Variants in NAV2 observed in about 807,000 individuals in gnomAD.
The protein encoded by NAV2 is helicase, APC down-regulated 1.
A neutral mutation model predicts 223.2 loss-of-function variants in NAV2; 54 were observed. That is an observed-to-expected ratio of 0.24 (90% confidence interval 0.19 to 0.30). NAV2 has a LOEUF of 0.30. Among genes scored for constraint, NAV2 ranks in the 10% least tolerant of loss-of-function variants. The probability of loss-of-function intolerance (pLI) is 1.00; values close to 1 mark genes in which losing one functional copy is unlikely to be tolerated. For synonymous variants in NAV2, 1,279 were observed against 1,239.3 expected, an observed-to-expected ratio of 1.03 and a Z score of -0.67; for missense variants, 2,806 against 3,147.5, an observed-to-expected ratio of 0.89 and a Z score of 2.60.
At chr11:19,441,541 G>T (rs1469641689) in intron 1 of NAV2, among the ~76,000 whole-genome samples, 1 of 152,092 alleles carries the variant, frequency 6.6e-6, no homozygotes, top group Non-Finnish European at 1.5e-5. Flanking sequence ...ATCTGATTCA[G>T]AGAAGACTGA....
At chr11:19,614,048 C>A (rs1216998787) in intron 1 of NAV2, among the ~76,000 whole-genome samples, 1 of 152,138 alleles carries the variant, frequency 6.6e-6, no homozygotes, top group African/African-American at 2.4e-5. Context: ...GGGCCCCTTT[C>A]ATGAAAAAGC....
At chr11:19,884,224 G>A (rs1591057949) in intron 5 of NAV2, 1 of 1,166,530 alleles carries the variant, frequency 8.6e-7, no homozygotes, top group East Asian at 2.4e-5. Flanking sequence ...AGACTCTTAG[G>A]ATTTGTGTGT....
chr11:19,378,654 C>A (rs1275941565), intron 1 of NAV2, among the ~76,000 whole-genome samples: 1 of 148,140 alleles, frequency 6.8e-6, no homozygotes, highest in Non-Finnish European at 1.5e-5. Context: ...GGAGATGCTC[C>A]CTGTCATGAA....
intron 1 of NAV2, among the ~76,000 whole-genome samples, chr11:19,705,173 A>C (rs941101858): frequency 2.6e-5 from 4 of 152,166 alleles, no homozygotes; most frequent in African/African-American, 9.7e-5. Context: ...TAACAAGCAG[A>C]CAAACAAACA....
intron 6 of NAV2, among the ~76,000 whole-genome samples, chr11:19,895,100 C>CTTTTTTT (rs1273722638): frequency 9.5e-6 from 1 of 105,084 alleles, no homozygotes; most frequent in Non-Finnish European, 2.0e-5. Flanking sequence ...TTTTCTTTTT[C>CTTTTTTT]TTTCTTTTTT....
chr11:19,520,174 C>A (rs1008084936), intron 1 of NAV2, among the ~76,000 whole-genome samples: 15 of 152,188 alleles, frequency 9.9e-5, no homozygotes, highest in Non-Finnish European at 1.5e-4. Context: ...ACCACAGGGA[C>A]CCCTGGAAGG....
intron 20 of NAV2, among the ~76,000 whole-genome samples, chr11:20,067,138 T>C (rs1472678394): frequency 6.6e-6 from 1 of 152,156 alleles, no homozygotes; most frequent in Non-Finnish European, 1.5e-5. Context: ...TCACGATTAC[T>C]TCACAGGGTC....
chr11:19,433,422 C>A (rs4488177), intron 1 of NAV2, among the ~76,000 whole-genome samples: 45,768 of 152,094 alleles, frequency 0.3, 7,396 homozygotes, highest in Middle Eastern at 0.37. Context: ...AGCATGAGAT[C>A]CTTGGCTTTA....
intron 1 of NAV2, among the ~76,000 whole-genome samples, chr11:19,521,636 A>G (rs1343934589): frequency 2.0e-5 from 3 of 152,268 alleles, no homozygotes; most frequent in Non-Finnish European, 4.4e-5. Flanking sequence ...ATAATAACCA[A>G]TAATTATATC....
rs548601629 is a variant in NAV2, at chr11:19,798,974, C to A, written c.268-33510C>A. Among the ~76,000 whole-genome samples the A allele has an allele frequency of 2.6e-5, 4 of 152,276 alleles. No homozygotes were observed. In the South Asian group the frequency reaches 8.3e-4, roughly 32 times the overall value. On this transcript the variant is annotated intron_variant, in intron 1 of 37. Coordinates refer to ENST00000349880, the MANE Select transcript of NAV2 (RefSeq NM_145117.5). ...CCTTTAGCACACATCCCCTCCACTC[C>A]GCTCAGAGGAAATGCATGAGGTGGT...
chr11:19,581,824 A>G (rs930921392), intron 1 of NAV2, among the ~76,000 whole-genome samples: 2 of 152,148 alleles, frequency 1.3e-5, no homozygotes, highest in East Asian at 1.9e-4. Flanking sequence ...TGCAATAAAC[A>G]TGGTGTGCAT....
At chr11:19,427,292 G>C (rs1850869129) in intron 1 of NAV2, among the ~76,000 whole-genome samples, 1 of 152,210 alleles carries the variant, frequency 6.6e-6, no homozygotes, top group Admixed American at 6.5e-5. Flanking sequence ...TGCATATAAA[G>C]CTCTATGCAG....
At chr11:19,971,245 G>A (rs573041467) in intron 10 of NAV2, among the ~76,000 whole-genome samples, 3 of 152,140 alleles carry the variant, frequency 2.0e-5, no homozygotes, top group South Asian at 4.2e-4. Context: ...CTCACTATGC[G>A]AGGGACGGGG....
intron 11 of NAV2, among the ~76,000 whole-genome samples, chr11:20,015,136 T>C (rs76058600): frequency 0.018 from 2,766 of 152,266 alleles, 105 homozygotes; most frequent in African/African-American, 0.063. Flanking sequence ...AATTGCCACA[T>C]GGATTTGCTT....
intron 3 of NAV2, among the ~76,000 whole-genome samples, chr11:19,855,538 C>T (rs942621309): frequency 6.6e-6 from 1 of 152,152 alleles, no homozygotes; most frequent in Non-Finnish European, 1.5e-5. Flanking sequence ...GTACCAGTTA[C>T]ACAGAGTTGG....
intron 1 of NAV2, among the ~76,000 whole-genome samples, chr11:19,478,912 C>T (rs964318885): frequency 3.3e-5 from 5 of 152,130 alleles, no homozygotes; most frequent in African/African-American, 1.2e-4. Context: ...GCCAGGCATC[C>T]GAGGAATTAT....
At position 19,607,116 on chromosome 11, in the gene NAV2, G is replaced by A. The variant is rs148185469; in HGVS notation, c.76-225368G>A. Among the ~76,000 whole-genome samples the A allele has an allele frequency of 2.2e-3, 329 of 152,334 alleles. 1 individual carries two copies. Among genetic ancestry groups the A allele is most frequent in the Middle Eastern group, 3.4e-3 (1 of 294 alleles). The stretch of plus-strand genomic sequence containing the variant: ...CGGTAACCACACTGGTTACAGGGCC[G>A]CTCTCAGTTTGTGTCCCTGGAGAGT... On this transcript the variant is annotated intron_variant, in intron 1 of 37. Coordinates refer to the NAV2 transcript ENST00000360655.
chr11:20,104,654 C>G (rs529252878), intron 34 of NAV2: 3 of 152,572 alleles, frequency 2.0e-5, no homozygotes, highest in African/African-American at 7.2e-5. Context: ...CATCACCTAG[C>G]TGGTACGTCT....
rs531169907 is a variant in NAV2 at position 19,894,173 on chromosome 11, G to C, written c.931+1579G>C. On this transcript the variant is annotated intron_variant, in intron 6 of 37. Coordinates refer to ENST00000349880, the MANE Select transcript of NAV2 (RefSeq NM_145117.5). ...GAAAGATGAAACTAAAGCAAAGAAA[G>C]TTTAAGTACTTGCTGAAGTCATATC... 2.0e-5 allele frequency among the ~76,000 whole-genome samples: 3 copies of C among 152,308 alleles called. No homozygotes were observed. The South Asian group carries it at 6.2e-4, about 32-fold the overall frequency.
Sources: gnomAD v4.1 joint callset for allele counts (sites outside exome capture counted in the v4.1 genomes callset) on GRCh38, gnomAD v4.1.1 for gene constraint, MANE v1.5 for transcripts, NCBI Gene and HGNC (gene_info 2026-07-23, HGNC 2026-07-21) for gene names.